EYS: variants seen among roughly 807,000 people sequenced by gnomAD.
The protein encoded by EYS is protein eyes shut homolog.
In EYS, 250 loss-of-function variants were observed where a neutral mutation model predicts 282.1. That is an observed-to-expected ratio of 0.89 (90% CI 0.80 to 0.98). The LOEUF is 0.98. Ranked by LOEUF, EYS falls within the 50% of genes least tolerant of loss-of-function variation. The pLI, the probability that EYS is intolerant of heterozygous loss-of-function variation, is 0.00. For missense variants in EYS, 4,016 were observed against 3,709.0 expected (o/e 1.08, Z -2.15); for synonymous variants, 1,355 against 1,282.9 (o/e 1.06, Z -1.20).
At chr6:64,674,379 T>C (rs895459663) in intron 22 of EYS, among the ~76,000 whole-genome samples, 1 of 148,510 alleles carries the variant, frequency 6.7e-6, no homozygotes, top group South Asian at 2.1e-4. Flanking sequence ...TTTTTTCTTA[T>C]GTGATGGGAA....
intron 21 of EYS, among the ~76,000 whole-genome samples, chr6:64,814,010 G>C (rs749829554): frequency 3.3e-5 from 5 of 151,926 alleles, no homozygotes; most frequent in Non-Finnish European, 7.4e-5. Context: ...AATTTCAAAG[G>C]ATTTCTGGGT....
intron 15 of EYS, among the ~76,000 whole-genome samples, chr6:64,935,294 C>T (rs1021809533): frequency 7.3e-5 from 11 of 151,546 alleles, no homozygotes; most frequent in African/African-American, 2.2e-4. Context: ...TAAACTCTAC[C>T]TTATCAGTAA....
intron 41 of EYS, among the ~76,000 whole-genome samples, chr6:63,742,610 A>G (rs1044625726): frequency 6.6e-6 from 1 of 152,148 alleles, no homozygotes; most frequent in Non-Finnish European, 1.5e-5. Flanking sequence ...ATGCTCTTCA[A>G]GAAAACCCAA....
intron 2 of EYS, among the ~76,000 whole-genome samples, chr6:65,613,549 A>C (rs1766077367): frequency 6.6e-6 from 1 of 151,894 alleles, no homozygotes; most frequent in Non-Finnish European, 1.5e-5. Flanking sequence ...GAGCATTAGC[A>C]GCAATTCAAA....
At chr6:64,176,834 T>G (rs190098968) in intron 31 of EYS, among the ~76,000 whole-genome samples, 2 of 152,202 alleles carry the variant, frequency 1.3e-5, no homozygotes, top group East Asian at 3.9e-4. Context: ...TATAAAGAAA[T>G]TTAAACTTTA....
intron 31 of EYS, among the ~76,000 whole-genome samples, chr6:64,153,270 T>A (rs1171640974): frequency 6.6e-6 from 1 of 152,164 alleles, no homozygotes; most frequent in Non-Finnish European, 1.5e-5. Context: ...CCTAGAGATG[T>A]TGACACTTGT....
At chr6:65,339,653 A>G (rs1469349574) in intron 10 of EYS, among the ~76,000 whole-genome samples, 1 of 151,176 alleles carries the variant, frequency 6.6e-6, no homozygotes, top group African/African-American at 2.4e-5. Context: ...GAAGACTGTT[A>G]TACTTGATGT....
chr6:64,411,538 A>G (rs546928290), intron 28 of EYS, among the ~76,000 whole-genome samples: 70 of 152,268 alleles, frequency 4.6e-4, no homozygotes, highest in African/African-American at 1.6e-3. Context: ...AAAAGTCACA[A>G]AGCAGTTTAA....
chr6:63,853,306 T>C (rs192020799), intron 36 of EYS, among the ~76,000 whole-genome samples: 3 of 152,038 alleles, frequency 2.0e-5, no homozygotes, highest in Admixed American at 1.3e-4. Context: ...AAAATCAATA[T>C]GCAAAAATCA....
At chr6:64,432,995 T>C (rs1774622257) in intron 28 of EYS, among the ~76,000 whole-genome samples, 1 of 152,100 alleles carries the variant, frequency 6.6e-6, no homozygotes, top group African/African-American at 2.4e-5. Context: ...CTCCATATTT[T>C]CCTTCCTGCT....
At chr6:65,049,914 T>C (rs981043196) in intron 13 of EYS, among the ~76,000 whole-genome samples, 13 of 151,660 alleles carry the variant, frequency 8.6e-5, no homozygotes, top group African/African-American at 2.9e-4. Context: ...CCATATAATA[T>C]GTTTATACTT....
At chr6:64,293,615 T>C (rs1178128449) in intron 30 of EYS, among the ~76,000 whole-genome samples, 1 of 152,140 alleles carries the variant, frequency 6.6e-6, no homozygotes, top group Non-Finnish European at 1.5e-5. Context: ...TGTTTGGATA[T>C]AAGGTAGCTT....
intron 35 of EYS, among the ~76,000 whole-genome samples, chr6:63,918,258 G>C (rs1392059327): frequency 1.3e-5 from 2 of 152,084 alleles, no homozygotes; most frequent in African/African-American, 4.8e-5. Flanking sequence ...TAGATAAGCA[G>C]CATTACTGAA....
At chr6:64,984,896 T>G (rs1770803081) in intron 14 of EYS, among the ~76,000 whole-genome samples, 2 of 151,502 alleles carry the variant, frequency 1.3e-5, no homozygotes, top group Admixed American at 1.3e-4. Context: ...CTTTCAAGAA[T>G]TTTTGAGATT....
intron 5 of EYS, among the ~76,000 whole-genome samples, chr6:65,468,254 C>A (rs544007331): frequency 6.6e-6 from 1 of 152,250 alleles, no homozygotes; most frequent in East Asian, 1.9e-4. Flanking sequence ...GACAGTGACA[C>A]ATATAACTTA....
Position 64,593,219 on chromosome 6 carries a change from G to C in EYS, c.3775C>G (p.Gln1259Glu), listed in dbSNP as rs1291867456. 2 of 1,550,520 alleles carry C rather than the reference G, an allele frequency of 1.3e-6. No individual in the cohort carries two copies. The highest frequency in any genetic ancestry group is 1.7e-6 in the Non-Finnish European group (2 of 1,146,300). ...TCAGAAGGGGGAATTGTATATGTCT[G>C]TGTGGAAATGGGATCTGTTCTTTGA... is the stretch of plus-strand genomic sequence containing the variant. ...IFQRTDPIST[Q>E]TYTIPPSETL... The change falls in exon 25 of 43, where the codon CAG (glutamine) becomes GAG (glutamate). Residue 1259 changes from glutamine to glutamate, a missense_variant. Gln to Glu is a conservative substitution (Grantham distance 29, BLOSUM62 2). Coordinates refer to ENST00000503581, the MANE Select transcript of EYS (RefSeq NM_001142800.2).
intron 22 of EYS, among the ~76,000 whole-genome samples, chr6:64,647,830 C>A (rs1033374879): frequency 9.2e-5 from 14 of 152,160 alleles, no homozygotes; most frequent in East Asian, 1.9e-4. Flanking sequence ...TAGGTAGGAA[C>A]CTTTTTGCTT....
intron 5 of EYS, among the ~76,000 whole-genome samples, chr6:65,472,465 A>T (rs898749501): frequency 1.3e-5 from 2 of 152,076 alleles, no homozygotes; most frequent in Non-Finnish European, 2.9e-5. Context: ...TAACTTAAAA[A>T]TTTTTTAATG....
intron 28 of EYS, among the ~76,000 whole-genome samples, chr6:64,390,934 CTGA>C (rs2150427142): frequency 6.6e-6 from 1 of 150,926 alleles, no homozygotes; most frequent in South Asian, 2.1e-4. Flanking sequence ...CTTAAAGGAG[CTGA>C]TGGAGCTGAA....
Sources: gnomAD v4.1 joint callset for allele counts (sites outside exome capture counted in the v4.1 genomes callset) on GRCh38, gnomAD v4.1.1 for gene constraint, MANE v1.5 for transcripts, NCBI Gene and HGNC (gene_info 2026-07-23, HGNC 2026-07-21) for gene names.